The following AVIL variants were observed in gnomAD, a reference collection of about 807,000 sequenced individuals.
AVIL encodes advillin.
A neutral mutation model predicts 109.9 loss-of-function variants in AVIL; 78 were observed. The observed-to-expected ratio is 0.71, with a 90% CI of 0.59 to 0.86. AVIL has a LOEUF of 0.86. Ranked by LOEUF, AVIL falls within the 40% of genes least tolerant of loss-of-function variation. AVIL has a pLI of 0.00. For synonymous variants in AVIL, 367 were observed against 379.1 expected (o/e 0.97, Z 0.37); for missense variants, 892 against 1,016.5 (o/e 0.88, Z 1.67).
chr12:57,805,019 G>A lies in AVIL; in HGVS notation c.1671+1341C>T, dbSNP rs1955921207. Among the ~76,000 whole-genome samples the A allele has an allele frequency of 4.6e-5, 7 of 152,032 alleles. No homozygotes were observed. In the South Asian group the frequency reaches 1.4e-3, roughly 31 times the overall value. The stretch of plus-strand genomic sequence containing the variant: ...TCTCCCTAGTGACTAATGATGTTAA[G>A]CATCTTTTCCTGTTCTTTTTTGTAA... On this transcript the variant is annotated intron_variant, in intron 14 of 19. Transcript: ENST00000549994.
At chr12:57,811,246 A>C (rs1956034574) in intron 4 of AVIL, 119 bp from the exon 5 acceptor site, 1 of 934,586 alleles carries the variant, frequency 1.1e-6, no homozygotes, top group Non-Finnish European at 1.6e-6. Flanking sequence ...AGCAAGGTAA[A>C]TACAGATGGT....
At position 57,803,582 on chromosome 12, in the gene AVIL, C is replaced by T. The variant is rs753326143; in HGVS notation, c.1759G>A (p.Glu587Lys). ...GSENTVAEGQ[E>K]PAEFWDLLGG... is the part of the protein sequence containing the mutation. ...AGTAGGTCCCAGAACTCGGCTGGCT[C>T]CTGGCCCTCGGCCACAGTGTTCTCG... Residue 587 changes from glutamate to lysine, a missense_variant, in exon 15 of 20, where the codon GAG (glutamate) becomes AAG (lysine). Physicochemically the swap from Glu to Lys is moderately conservative, Grantham distance 56. Coordinates refer to ENST00000549994, the MANE Select transcript of AVIL (RefSeq NM_006576.4). 9 of 1,614,046 alleles carry T rather than the reference C, an allele frequency of 5.6e-6. No homozygotes were observed. The African/African-American group carries it at 6.7e-5, about 12-fold the overall frequency.
rs576169396 is a variant in AVIL, at chr12:57,809,662, T to G, written c.874A>C (p.Ile292Leu). The change falls in exon 9 of 20, where the codon ATC becomes CTC. Residue 292 changes from isoleucine to leucine, a missense_variant. Physicochemically the swap from Ile to Leu is conservative, Grantham distance 5. Transcript: ENST00000549994. ...CYILDQSGTK[I>L]YVWKGKGATK... ...GCTCCTTTTCCTTTCCACACGTAGA[T>G]TTTGGTTCCACTTTGGTCCAGGATG... The G allele has an allele frequency of 1.9e-6, 3 of 1,614,190 alleles. No individual in the cohort carries two copies. The highest frequency in any genetic ancestry group is 3.3e-5 in the Admixed American group (2 of 60,026).
chr12:57,810,826 T>C lies in AVIL; in HGVS notation c.548A>G (p.Glu183Gly). The part of the protein sequence containing the change: ...QWNGPESNSG[E>G]RLKAMLLAKD... ...GCTAGGAAGCCATACCTTCAGGCGC[T>C]CCCCACTGTTGCTCTCTGGGCCATT... Residue 183 changes from glutamate (E) to glycine (G), a missense_variant, in exon 6 of 20, where the codon GAG becomes GGG. Coordinates refer to ENST00000549994, the MANE Select transcript of AVIL (RefSeq NM_006576.4). 1 of 1,614,118 alleles carries C rather than the reference T, an allele frequency of 6.2e-7. No individual in the cohort carries two copies. The highest frequency in any genetic ancestry group is 8.5e-7 in the Non-Finnish European group (1 of 1,179,992).
chr12:57,804,002 A>G (rs1263427274), intron 14 of AVIL: 2 of 202,608 alleles, frequency 9.9e-6, no homozygotes, highest in Non-Finnish European at 2.0e-5. Context: ...ACAATAAAAT[A>G]TACTCTTTTG....
Position 57,810,403 on chromosome 12 carries a change from G to C in AVIL, c.707C>G (p.Thr236Arg). The change falls in exon 7 of 20, where the codon ACA becomes AGA. Residue 236 changes from threonine (T) to arginine (R), a missense_variant. Physicochemically the swap from Thr to Arg is moderately conservative, Grantham distance 71. Coordinates refer to ENST00000549994, the MANE Select transcript of AVIL (RefSeq NM_006576.4). ...CTGATCTATGATCTCATCAGGGACT[G>C]TAGGCTTGATAATGGAGCGTCGGCC... is the stretch of plus-strand genomic sequence containing the variant. ...TLGRRSIIKP[T>R]VPDEIIDQKQ... The C allele has an allele frequency of 1.2e-6, 2 of 1,614,198 alleles. No homozygotes were observed. The highest frequency in any genetic ancestry group is 1.7e-6 in the Non-Finnish European group (2 of 1,180,034).
At chr12:57,814,944 T>TTTTTTG (rs888529757) in intron 2 of AVIL, 3 of 152,268 alleles carry the variant, frequency 2.0e-5, no homozygotes, top group Non-Finnish European at 2.9e-5. Flanking sequence ...TTAGTACTTG[T>TTTTTTG]TTTTTGTTTT....
rs995641684 is a variant in AVIL at position 57,813,351 on chromosome 12, G to A, written c.214C>T (p.Gln72Ter). 1 of 1,614,116 alleles carries A rather than the reference G, an allele frequency of 6.2e-7. No homozygotes were observed. Among genetic ancestry groups the A allele is most frequent in the Non-Finnish European group, 8.5e-7 (1 of 1,180,032 alleles). ...WIGKDSSQDE[Q>*]SCAAIYTTQL... Reference sequence around the variant, plus strand: ...GTGGTATATATGGCTGCGCAGCTTTGCTCATCCTGGGAGGAGTCCTTCCCG... The same window carrying A: ...GTGGTATATATGGCTGCGCAGCTTTACTCATCCTGGGAGGAGTCCTTCCCG... The change falls in exon 4 of 20, where the codon CAA becomes TAA. Residue 72 changes from glutamine (Q) to a stop codon, truncating the protein, a stop_gained. Coordinates refer to ENST00000549994, the MANE Select transcript of AVIL (RefSeq NM_006576.4). LOFTEE classifies it high-confidence loss of function.
At chr12:57,809,537 C>T in intron 9 of AVIL, 60 bp downstream of exon 9, 1 of 1,575,076 alleles carries the variant, frequency 6.3e-7, no homozygotes, top group Non-Finnish European at 8.7e-7. Context: ...TGTGGAGTGA[C>T]ACACCTGAAG....
intron 14 of AVIL, among the ~76,000 whole-genome samples, chr12:57,804,669 T>G (rs1291457409): frequency 1.3e-5 from 2 of 151,964 alleles, no homozygotes; most frequent in African/African-American, 4.8e-5. Flanking sequence ...ATTAGCTGGG[T>G]GTGGTGGCAC....
At chr12:57,803,842 A>T in intron 14 of AVIL, 173 bp from the exon 15 acceptor site, 1 of 880,648 alleles carries the variant, frequency 1.1e-6, no homozygotes, top group Non-Finnish European at 1.7e-6. Flanking sequence ...GGGGAGGAAA[A>T]CAGTGTGGGG....
chr12:57,814,301 G>C (rs1275168764), intron 2 of AVIL, 75 bp from the exon 3 acceptor site: 2 of 1,412,860 alleles, frequency 1.4e-6, no homozygotes, highest in East Asian at 4.9e-5. Flanking sequence ...TCTCCTCTCT[G>C]TCATTCGGTG....
Position 57,810,438 on chromosome 12 carries a change from C to G in AVIL, c.672G>C (p.Gln224His). 1.2e-6 allele frequency: 2 copies of G among 1,614,204 alleles called. No individual in the cohort carries two copies. The highest frequency in any genetic ancestry group is 1.7e-6 in the Non-Finnish European group (2 of 1,180,030). Reference sequence around the variant, plus strand: ...TAATGGAGCGTCGGCCAAGGGTGTCCTGAAGGACCTTCATCAGCTCTGGGC... The same window carrying G: ...TAATGGAGCGTCGGCCAAGGGTGTCGTGAAGGACCTTCATCAGCTCTGGGC... Reference protein sequence around the residue: ...AASPELMKVLQDTLGRRSIIK... With the variant: ...AASPELMKVLHDTLGRRSIIK... Residue 224 changes from glutamine to histidine, a missense_variant, in exon 7 of 20, where the codon CAG (glutamine) becomes CAC (histidine). By Grantham distance (24) the Gln-to-His change is conservative (BLOSUM62 0). Coordinates refer to ENST00000549994, the MANE Select transcript of AVIL (RefSeq NM_006576.4).
Position 57,811,038 on chromosome 12 carries a change from C to T in AVIL, c.428G>A (p.Arg143Lys), listed in dbSNP as rs1956030912. 1 of 1,614,082 alleles carries T rather than the reference C, an allele frequency of 6.2e-7. No homozygotes were observed. The highest frequency in any genetic ancestry group is 1.7e-5 in the Admixed American group (1 of 60,006). Residue 143 changes from arginine (R) to lysine (K), a missense_variant, in exon 5 of 20, where the codon AGA becomes AAA. Coordinates refer to ENST00000549994, the MANE Select transcript of AVIL (RefSeq NM_006576.4). ...VKRLLHVKGKRNIRATEVEMS... is the reference protein window; with the variant it reads ...VKRLLHVKGKKNIRATEVEMS... ...ACTAACCTCGGTAGCCCTGATGTTT[C>T]TTTTCCCTTTCACATGTAGCAGCCG... is the stretch of plus-strand genomic sequence containing the variant.
intron 16 of AVIL, 113 bp downstream of exon 16, chr12:57,803,134 C>T (rs772014206): frequency 5.6e-5 from 76 of 1,357,340 alleles, no homozygotes; most frequent in Non-Finnish European, 6.8e-5. Flanking sequence ...TTTGATTGAG[C>T]TGGGGATGGT....
intron 2 of AVIL, chr12:57,815,573 C>T: frequency 8.0e-7 from 1 of 1,248,996 alleles, no homozygotes; most frequent in Non-Finnish European, 1.0e-6. Flanking sequence ...GCAGTGCCCC[C>T]TCACCTCTCC....
intron 18 of AVIL, among the ~76,000 whole-genome samples, chr12:57,800,827 C>T (rs1186838607): frequency 6.6e-6 from 1 of 152,142 alleles, no homozygotes; most frequent in Non-Finnish European, 1.5e-5. Context: ...AGGCTGGTCT[C>T]AAACTCCTGA....
chr12:57,801,449 G>C, intron 17 of AVIL: 1 of 345,592 alleles, frequency 2.9e-6, no homozygotes, highest in South Asian at 3.1e-5. Flanking sequence ...TTAAGAAAGA[G>C]CAGTTGAAGG....
intron 4 of AVIL, 118 bp downstream of exon 4, chr12:57,813,109 A>G: frequency 3.1e-6 from 4 of 1,283,894 alleles, no homozygotes; most frequent in Non-Finnish European, 4.3e-6. Context: ...GGTGGAAGTG[A>G]CAGCTTTGTT....
Sources: allele counts gnomAD v4.1 joint callset (sites outside exome capture counted in the v4.1 genomes callset), GRCh38; gene constraint gnomAD v4.1.1; transcripts MANE v1.5; gene names NCBI Gene and HGNC (gene_info 2026-07-23, HGNC 2026-07-21).